Variants in TBC1D5 observed in about 807,000 individuals in gnomAD.
TBC1D5 encodes the protein TBC1 domain family member 5.
In TBC1D5, 75 loss-of-function variants were observed where a neutral mutation model predicts 100.3. That is an observed-to-expected ratio of 0.75 (90% confidence interval 0.62 to 0.91). The LOEUF is 0.91. Ranked by LOEUF, TBC1D5 falls within the 40% of genes least tolerant of loss-of-function variation. The pLI, the probability that TBC1D5 is intolerant of heterozygous loss-of-function variation, is 0.00. For synonymous variants in TBC1D5, 323 were observed against 325.6 expected (o/e 0.99, Z 0.09); for missense variants, 910 against 942.4 (o/e 0.97, Z 0.45).
chr3:17,720,299 A>T (rs1031452275), intron 1 of TBC1D5, among the ~76,000 whole-genome samples: 2 of 152,230 alleles, frequency 1.3e-5, no homozygotes, highest in African/African-American at 4.8e-5. Context: ...CAACATTTTT[A>T]AAATGATATC....
upstream of TBC1D5, among the ~76,000 whole-genome samples, chr3:17,742,073 C>T (rs147640041): frequency 1.3e-4 from 20 of 152,290 alleles, no homozygotes; most frequent in Non-Finnish European, 2.4e-4. Flanking sequence ...CCGCCAGGCC[C>T]TGCCTTTACT....
chr3:17,411,173 A>T (rs901032255), intron 4 of TBC1D5, among the ~76,000 whole-genome samples: 1 of 152,062 alleles, frequency 6.6e-6, no homozygotes, highest in Admixed American at 6.6e-5. Flanking sequence ...AAAAAGATTA[A>T]GAACTGCTGA....
intron 16 of TBC1D5, among the ~76,000 whole-genome samples, chr3:17,238,733 T>C (rs2076077289): frequency 6.6e-6 from 1 of 152,150 alleles, no homozygotes; most frequent in South Asian, 2.1e-4. Context: ...TCTAGTCTAG[T>C]AGAGAAGAAG....
At chr3:17,266,804 CAT>C (rs1306089365) in intron 15 of TBC1D5, among the ~76,000 whole-genome samples, 1 of 151,756 alleles carries the variant, frequency 6.6e-6, no homozygotes, top group Non-Finnish European at 1.5e-5. Flanking sequence ...GATGGGAAAA[CAT>C]ATATTGTGAA....
chr3:17,710,378 A>G (rs1174322658), intron 1 of TBC1D5, among the ~76,000 whole-genome samples: 1 of 152,056 alleles, frequency 6.6e-6, no homozygotes, highest in Non-Finnish European at 1.5e-5. Flanking sequence ...CAGCCTGACC[A>G]ACATGGTGAA....
At chr3:17,369,527 T>A (rs1182020020) in intron 13 of TBC1D5, among the ~76,000 whole-genome samples, 2 of 152,168 alleles carry the variant, frequency 1.3e-5, no homozygotes, top group African/African-American at 2.4e-5. Flanking sequence ...TCTACCGTTA[T>A]TATTAGAGAT....
At chr3:17,533,317 A>G (rs1264098436) in intron 2 of TBC1D5, among the ~76,000 whole-genome samples, 6 of 152,210 alleles carry the variant, frequency 3.9e-5, no homozygotes, top group South Asian at 2.1e-4. Flanking sequence ...TCAACAAAAC[A>G]TATCAATTTC....
At chr3:17,651,783 C>T (rs535793484) in intron 1 of TBC1D5, among the ~76,000 whole-genome samples, 2 of 152,186 alleles carry the variant, frequency 1.3e-5, no homozygotes, top group South Asian at 4.1e-4. Context: ...TATCATATAT[C>T]CATTGTTAGG....
At chr3:17,440,220 C>T (rs2094622559) in intron 3 of TBC1D5, among the ~76,000 whole-genome samples, 1 of 152,150 alleles carries the variant, frequency 6.6e-6, no homozygotes, top group Non-Finnish European at 1.5e-5. Flanking sequence ...GGATAAGTCA[C>T]AGACCAAACA....
At chr3:17,299,580 C>T (rs1041623100) in intron 14 of TBC1D5, among the ~76,000 whole-genome samples, 6 of 152,004 alleles carry the variant, frequency 3.9e-5, no homozygotes, top group South Asian at 2.1e-4. Flanking sequence ...TCATTCTGGC[C>T]GGGTGCGGTG....
At position 17,166,797 on chromosome 3, in the gene TBC1D5, C is replaced by T. The variant is rs747140697; in HGVS notation, c.2064G>A (p.Gln688=). The T allele has an allele frequency of 1.9e-6, 3 of 1,613,724 alleles. No individual in the cohort carries two copies. The Admixed American group carries it at 5.0e-5, about 27-fold the overall frequency. ...TAATGGCCCCTGACATTTGAACGCT[C>T]TGGCCTTGGCCTCGGCCCTGGCCCT... The change falls in exon 21 of 22, where the codon CAG becomes CAA. Residue 688 remains glutamine, a synonymous_variant. Transcript: ENST00000253692.
chr3:17,589,220 G>T (rs541433030), intron 2 of TBC1D5, among the ~76,000 whole-genome samples: 1 of 152,214 alleles, frequency 6.6e-6, no homozygotes, highest in Non-Finnish European at 1.5e-5. Flanking sequence ...TCACTTGGTT[G>T]CTCAAGCTGG....
In TBC1D5 at chr3:17,291,880, A is replaced by G; in HGVS notation, c.1245+15T>C. On this transcript the variant is annotated intron_variant, in intron 15 of 21. Coordinates refer to ENST00000253692, the Ensembl canonical transcript of TBC1D5. ...CCCAACTTAAAATTATGCATACCCT[A>G]CTGGGGAAGCTTACCTTTGGATCTC... 3 of 1,607,516 alleles carry G rather than the reference A, an allele frequency of 1.9e-6. No homozygotes were observed. Among genetic ancestry groups the G allele is most frequent in the South Asian group, 2.2e-5 (2 of 90,408 alleles).
chr3:17,655,925 A>C (rs918973914), intron 1 of TBC1D5, among the ~76,000 whole-genome samples: 2 of 152,182 alleles, frequency 1.3e-5, no homozygotes, highest in African/African-American at 4.8e-5. Flanking sequence ...TTGATTTCAT[A>C]CTTTCAGCCC....
chr3:17,434,458 C>T (rs1467025012), intron 3 of TBC1D5, among the ~76,000 whole-genome samples: 1 of 152,238 alleles, frequency 6.6e-6, no homozygotes, highest in Admixed American at 6.5e-5. Context: ...CCAAGCTGTA[C>T]ACTGGATTCT....
intron 4 of TBC1D5, among the ~76,000 whole-genome samples, chr3:17,407,279 T>C (rs1035203236): frequency 1.3e-5 from 2 of 152,122 alleles, no homozygotes; most frequent in African/African-American, 4.8e-5. Context: ...TGGAAATTAA[T>C]TGTCCCAAAC....
intron 2 of TBC1D5, among the ~76,000 whole-genome samples, chr3:17,542,846 C>T (rs2096372120): frequency 6.6e-6 from 1 of 152,124 alleles, no homozygotes; most frequent in Non-Finnish European, 1.5e-5. Context: ...TAACATACAG[C>T]TGCATTTGGT....
intron 3 of TBC1D5, among the ~76,000 whole-genome samples, chr3:17,483,139 C>A (rs1011552495): frequency 6.6e-6 from 1 of 152,046 alleles, no homozygotes; most frequent in African/African-American, 2.4e-5. Flanking sequence ...ACCCGAACTT[C>A]GACTATTGCC....
At chr3:17,540,205 G>A (rs1323774379) in intron 2 of TBC1D5, among the ~76,000 whole-genome samples, 1 of 152,138 alleles carries the variant, frequency 6.6e-6, no homozygotes, top group Non-Finnish European at 1.5e-5. Context: ...TTGTTGAGTT[G>A]TAGGAATTCT....
Sources: allele counts gnomAD v4.1 joint callset (sites outside exome capture counted in the v4.1 genomes callset), GRCh38; gene constraint gnomAD v4.1.1; transcripts MANE v1.5; gene names NCBI Gene and HGNC (gene_info 2026-07-23, HGNC 2026-07-21).